Variants in BICC1 observed in about 807,000 individuals in gnomAD.
The protein encoded by BICC1 is protein bicaudal C homolog 1.
A neutral mutation model predicts 111.0 loss-of-function variants in BICC1; 43 were observed. The ratio of observed to expected loss-of-function variants is 0.39; its 90% CI spans 0.30 to 0.50. The LOEUF (loss-of-function observed/expected upper bound fraction) is 0.50. Among genes scored for constraint, BICC1 ranks in the 20% least tolerant of loss-of-function variants. BICC1 has a pLI of 0.88. For missense variants in BICC1, 1,091 were observed against 1,203.2 expected (o/e 0.91, Z 1.38); for synonymous variants, 467 against 434.4 (o/e 1.07, Z -0.93).
At chr10:58,641,856 T>C (rs1246490927) in intron 2 of BICC1, among the ~76,000 whole-genome samples, 9 of 152,224 alleles carry the variant, frequency 5.9e-5, no homozygotes, top group Admixed American at 5.9e-4. Flanking sequence ...ATTCACATTG[T>C]GTTAGGAATT....
intron 6 of BICC1, 87 bp from the exon 7 acceptor site, chr10:58,789,174 TC>T: frequency 8.8e-7 from 1 of 1,136,026 alleles, no homozygotes; most frequent in Non-Finnish European, 1.3e-6. Context: ...TTAAAATCTA[TC>T]TTCAGAAAAG....
intron 1 of BICC1, among the ~76,000 whole-genome samples, chr10:58,598,207 C>T (rs75378037): frequency 1.7e-3 from 254 of 152,160 alleles, no homozygotes; most frequent in African/African-American, 5.9e-3. Flanking sequence ...CAAGACAGTC[C>T]TGGGCAAGAA....
chr10:58,619,163 C>T (rs747329775), intron 1 of BICC1, among the ~76,000 whole-genome samples: 100 of 152,140 alleles, frequency 6.6e-4, no homozygotes, highest in Admixed American at 8.5e-4. Flanking sequence ...TCTCTTTTGC[C>T]GTGTAAGATT....
intron 1 of BICC1, among the ~76,000 whole-genome samples, chr10:58,598,188 C>A (rs143368335): frequency 0.12 from 17,570 of 152,064 alleles, 1,271 homozygotes; most frequent in African/African-American, 0.21. Flanking sequence ...AAAAAAGAGC[C>A]TGCATAGCCA....
At chr10:58,634,306 CA>C (rs1837889090) in intron 2 of BICC1, among the ~76,000 whole-genome samples, 1 of 152,086 alleles carries the variant, frequency 6.6e-6, no homozygotes, top group Admixed American at 6.6e-5. Context: ...GGCAGATTTT[CA>C]GTTGAATTAT....
intron 1 of BICC1, among the ~76,000 whole-genome samples, chr10:58,539,546 T>A (rs199716026): frequency 2.1e-3 from 302 of 142,144 alleles, no homozygotes; most frequent in Non-Finnish European, 3.1e-3. Flanking sequence ...TAAAAAAAAA[T>A]TTTTGAAGTA....
chr10:58,830,857 G>A lies in BICC1; in HGVS notation c.*1966G>A, dbSNP rs1463260058. ...ATTAATGCATCATGCTAAACATGTA[G>A]TACAGGTTAACAATACCAGATTTAT... On this transcript the variant is annotated 3_prime_UTR_variant, in exon 21 of 21. Coordinates refer to ENST00000373886, the MANE Select transcript of BICC1 (RefSeq NM_001080512.3). The A allele has an allele frequency of 6.6e-6, 1 of 152,108 alleles. No individual in the cohort carries two copies. Among genetic ancestry groups the A allele is most frequent in the Non-Finnish European group, 1.5e-5 (1 of 68,008 alleles). 9.4% of individuals were successfully genotyped at this position (152,108 alleles called of 1,614,324 possible). A position where few individuals can be genotyped will look rare whatever the true frequency, so the allele number is the denominator to read the frequency against.
chr10:58,527,902 G>A (rs755946650), intron 1 of BICC1, among the ~76,000 whole-genome samples: 2 of 151,900 alleles, frequency 1.3e-5, no homozygotes, highest in Non-Finnish European at 2.9e-5. Flanking sequence ...ACTAGCTTTG[G>A]TTATGCTTTC....
At chr10:58,580,615 A>G (rs1006105187) in intron 1 of BICC1, among the ~76,000 whole-genome samples, 5 of 152,200 alleles carry the variant, frequency 3.3e-5, no homozygotes, top group Admixed American at 3.3e-4. Context: ...CTATTGGCAC[A>G]GTGTTCTACA....
intron 1 of BICC1, among the ~76,000 whole-genome samples, chr10:58,553,463 G>C (rs921801643): frequency 3.3e-5 from 5 of 152,152 alleles, no homozygotes; most frequent in African/African-American, 1.2e-4. Flanking sequence ...ATCCTCTAGA[G>C]TTTCCAGTAG....
At chr10:58,631,596 T>C (rs2132174703) in intron 2 of BICC1, among the ~76,000 whole-genome samples, 1 of 152,288 alleles carries the variant, frequency 6.6e-6, no homozygotes, top group African/African-American at 2.4e-5. Context: ...GATTATCCAG[T>C]TATTCAAATT....
chr10:58,570,950 T>G (rs140189525), intron 1 of BICC1, among the ~76,000 whole-genome samples: 2 of 152,280 alleles, frequency 1.3e-5, no homozygotes, highest in East Asian at 3.9e-4. Context: ...TTTTGCTCTT[T>G]TTGGGTAGAA....
intron 1 of BICC1, among the ~76,000 whole-genome samples, chr10:58,588,859 C>T (rs1268973729): frequency 6.6e-6 from 1 of 152,202 alleles, no homozygotes; most frequent in African/African-American, 2.4e-5. Flanking sequence ...TTGGCCACAC[C>T]TCTTGCGACT....
At chr10:58,578,264 A>G (rs1844168574) in intron 1 of BICC1, among the ~76,000 whole-genome samples, 1 of 151,956 alleles carries the variant, frequency 6.6e-6, no homozygotes, top group South Asian at 2.1e-4. Flanking sequence ...TTTCCTCTTC[A>G]CTTGAGAGTA....
intron 3 of BICC1, among the ~76,000 whole-genome samples, chr10:58,724,709 A>G (rs922885225): frequency 5.3e-5 from 8 of 152,200 alleles, no homozygotes; most frequent in Non-Finnish European, 1.0e-4. Context: ...TTGCAGGTTC[A>G]GTTGGTGACT....
At chr10:58,572,884 C>T (rs565663897) in intron 1 of BICC1, among the ~76,000 whole-genome samples, 28 of 151,980 alleles carry the variant, frequency 1.8e-4, no homozygotes, top group Non-Finnish European at 2.8e-4. Flanking sequence ...AGGTAGTCTT[C>T]GATGGCATGG....
At chr10:58,605,865 C>A (rs1360967296) in intron 1 of BICC1, among the ~76,000 whole-genome samples, 1 of 152,182 alleles carries the variant, frequency 6.6e-6, no homozygotes, top group Non-Finnish European at 1.5e-5. Flanking sequence ...TCCTGACAAG[C>A]AACTAATATA....
chr10:58,765,911 G>A (rs144181370), intron 3 of BICC1, among the ~76,000 whole-genome samples: 1,741 of 152,276 alleles, frequency 0.011, 24 homozygotes, highest in African/African-American at 0.036. Context: ...GGGTAGATTC[G>A]TTGAAAGCTG....
chr10:58,746,790 G>A (rs1028305074), intron 3 of BICC1, among the ~76,000 whole-genome samples: 7 of 152,124 alleles, frequency 4.6e-5, no homozygotes, highest in African/African-American at 1.4e-4. Context: ...AAAGGGAATG[G>A]AGAGAAAAAT....
Sources: gnomAD v4.1 joint callset for allele counts (sites outside exome capture counted in the v4.1 genomes callset) on GRCh38, gnomAD v4.1.1 for gene constraint, MANE v1.5 for transcripts, NCBI Gene and HGNC (gene_info 2026-07-23, HGNC 2026-07-21) for gene names.